The following UMODL1 variants were observed in gnomAD, a reference collection of about 807,000 sequenced individuals.
UMODL1 encodes the protein uromodulin-like 1.
A neutral mutation model predicts 136.3 loss-of-function variants in UMODL1; 128 were observed. The ratio of observed to expected loss-of-function variants is 0.94; its 90% CI spans 0.81 to 1.09. UMODL1 has a LOEUF of 1.09. Among genes scored for constraint, UMODL1 ranks in the 50% least tolerant of loss-of-function variants. UMODL1 has a pLI of 0.00. For missense variants in UMODL1, 1,766 were observed against 1,725.6 expected (o/e 1.02, Z -0.41); for synonymous variants, 721 against 720.0 (o/e 1.00, Z -0.02).
intron 9 of UMODL1, among the ~76,000 whole-genome samples, chr21:42,108,996 A>T (rs1293855859): frequency 1.3e-5 from 1 of 79,596 alleles, no homozygotes; most frequent in East Asian, 4.2e-4. Context: ...GCTCAGCTGG[A>T]CCCCCACCCC....
chr21:42,112,657 C>T (rs2066850977), intron 12 of UMODL1, among the ~76,000 whole-genome samples: 1 of 152,026 alleles, frequency 6.6e-6, no homozygotes, highest in Non-Finnish European at 1.5e-5. Flanking sequence ...TCTGCACCTC[C>T]CCAGCTGTTT....
intron 14 of UMODL1, among the ~76,000 whole-genome samples, chr21:42,118,226 G>A (rs1178472379): frequency 6.6e-6 from 1 of 152,196 alleles, no homozygotes; most frequent in Non-Finnish European, 1.5e-5. Context: ...TTGTGAAGAT[G>A]GTCACGACAA....
At position 42,126,469 on chromosome 21, in the gene UMODL1, C is replaced by T; in HGVS notation, c.3272C>T (p.Ser1091Phe). Residue 1091 changes from serine to phenylalanine, a missense_variant, in exon 18 of 23, where the codon TCC becomes TTC. By Grantham distance (155) the Ser-to-Phe change is radical. Coordinates refer to ENST00000408910, the MANE Select transcript of UMODL1 (RefSeq NM_001004416.3). Reference protein sequence around the residue: ...CAFQNDLLTSSGFTLEWGVYT... With the variant: ...CAFQNDLLTSFGFTLEWGVYT... ...TTCCAGAATGACCTGCTGACATCCT[C>T]CGGCTTCACCCTGGAGTGGGGGTAA... The T allele has an allele frequency of 1.2e-6, 2 of 1,614,264 alleles. No individual in the cohort carries two copies. The highest frequency in any genetic ancestry group is 2.7e-5 in the African/African-American group (2 of 75,076).
chr21:42,074,789 A>G (rs2066268747), intron 1 of UMODL1, among the ~76,000 whole-genome samples: 1 of 152,096 alleles, frequency 6.6e-6, no homozygotes, highest in Non-Finnish European at 1.5e-5. Flanking sequence ...CAGTGACATG[A>G]TCTGGGCTCA....
At chr21:42,087,214 G>A (rs958786166) in intron 4 of UMODL1, among the ~76,000 whole-genome samples, 6 of 152,222 alleles carry the variant, frequency 3.9e-5, no homozygotes, top group South Asian at 2.1e-4. Flanking sequence ...TTGCACAGGG[G>A]TCAGGCACCA....
intron 2 of UMODL1, among the ~76,000 whole-genome samples, chr21:42,080,893 C>T (rs1211783991): frequency 2.6e-5 from 4 of 152,248 alleles, no homozygotes; most frequent in Admixed American, 6.5e-5. Flanking sequence ...TTACCTCATA[C>T]GCACATCAGC....
chr21:42,127,861 G>C, intron 20 of UMODL1, 30 bp downstream of exon 20: 1 of 1,608,762 alleles, frequency 6.2e-7, no homozygotes, highest in Non-Finnish European at 8.5e-7. Context: ...CTAAACGTTT[G>C]GTTGGATTCA....
rs763349108 is a variant in UMODL1, at chr21:42,104,074, G to A, written c.1506G>A (p.Gly502=). 3.7e-6 allele frequency: 6 copies of A among 1,611,730 alleles called. No individual in the cohort carries two copies. The South Asian group carries it at 5.5e-5, about 15-fold the overall frequency. ...CAGTGTTCCAGATTGACCGGCAGGGGACACGCGTGCAAGGTATGGCCCAGC... is the reference window on the plus strand; with the variant it reads ...CAGTGTTCCAGATTGACCGGCAGGGAACACGCGTGCAAGGTATGGCCCAGC... ...ASTVFQIDRQ[G]TRVQDWDECV... is the part of the protein sequence containing the mutation. The change falls in exon 9 of 23, where the codon GGG becomes GGA. Residue 502 remains glycine (G), a synonymous_variant. Transcript: ENST00000408910.
intron 6 of UMODL1, among the ~76,000 whole-genome samples, chr21:42,098,042 GT>G (rs2066579032): frequency 6.6e-6 from 1 of 152,232 alleles, no homozygotes; most frequent in African/African-American, 2.4e-5. Context: ...TCAAGTGCTT[GT>G]CATGAATCAG....
rs1246480547 is a variant in UMODL1 at position 42,104,034 on chromosome 21, C to T, written c.1466C>T (p.Pro489Leu). 3.1e-6 allele frequency: 5 copies of T among 1,613,924 alleles called. No homozygotes were observed. Among genetic ancestry groups the T allele is most frequent in the South Asian group, 2.2e-5 (2 of 91,074 alleles). ...GISTLAPILQPLLASTVFQID... is the reference protein window; with the variant it reads ...GISTLAPILQLLLASTVFQID... ...TCCACGCTGGCCCCCATACTCCAGC[C>T]CCTGTTGGCAAGCACAGTGTTCCAG... Residue 489 changes from proline (P) to leucine (L), a missense_variant, in exon 9 of 23, where the codon CCC becomes CTC. Physicochemically the swap from Pro to Leu is moderately conservative, Grantham distance 98. Coordinates refer to ENST00000408910, the MANE Select transcript of UMODL1 (RefSeq NM_001004416.3).
At position 42,137,531 on chromosome 21, in the gene UMODL1, C is replaced by T. The variant is rs373330695; in HGVS notation, c.3868C>T (p.Leu1290Phe). 24 of 1,614,126 alleles carry T rather than the reference C, an allele frequency of 1.5e-5. No individual in the cohort carries two copies. The highest frequency in any genetic ancestry group is 1.8e-5 in the Non-Finnish European group (21 of 1,180,048). ...CGTGCTGGTGGCGGGAACAGCCACC[C>T]TTCTGATCGTGCGCTACCAGAGAAT... The part of the protein sequence containing the change: ...IFVLVAGTAT[L>F]LIVRYQRMNG... The change falls in exon 22 of 23, where the codon CTT (leucine) becomes TTT (phenylalanine). Residue 1290 changes from leucine (L) to phenylalanine (F), a missense_variant. By Grantham distance (22) the Leu-to-Phe change is conservative. Transcript: ENST00000408910.
chr21:42,072,086 A>C (rs2066239079), intron 1 of UMODL1, among the ~76,000 whole-genome samples: 1 of 152,136 alleles, frequency 6.6e-6, no homozygotes, highest in Non-Finnish European at 1.5e-5. Context: ...CAATACAAAA[A>C]CAAAAAAGAA....
intron 5 of UMODL1, among the ~76,000 whole-genome samples, chr21:42,089,120 G>A (rs1481665260): frequency 6.6e-6 from 1 of 152,158 alleles, no homozygotes; most frequent in Non-Finnish European, 1.5e-5. Flanking sequence ...CTGTCTCAAC[G>A]ACTCAGCCCT....
chr21:42,104,152 T>C, intron 9 of UMODL1, 65 bp downstream of exon 9: 1 of 1,466,944 alleles, frequency 6.8e-7, no homozygotes, highest in South Asian at 1.3e-5. Flanking sequence ...TTGGTGACTT[T>C]ATTTGAGTCA....
At chr21:42,120,888 C>G (rs2066961089) in intron 15 of UMODL1, 199 bp from the exon 16 acceptor site, 2 of 579,656 alleles carry the variant, frequency 3.5e-6, no homozygotes, top group African/African-American at 1.9e-5. Flanking sequence ...AGAACAGCCC[C>G]TGCAGACATA....
At chr21:42,089,156 C>T (rs549767753) in intron 5 of UMODL1, among the ~76,000 whole-genome samples, 1 of 152,252 alleles carries the variant, frequency 6.6e-6, no homozygotes, top group East Asian at 1.9e-4. Context: ...ACAGACAGTC[C>T]GCAAGCAAAC....
chr21:42,140,149 A>C (rs1639978545), intron 22 of UMODL1, among the ~76,000 whole-genome samples: 2 of 152,140 alleles, frequency 1.3e-5, no homozygotes, highest in Non-Finnish European at 2.9e-5. Context: ...TGAGCACAGG[A>C]AAGATGGGCT....
chr21:42,119,103 C>T lies in UMODL1; in HGVS notation c.2476-8C>T, dbSNP rs558848452. On this transcript the variant is annotated splice_polypyrimidine_tract_variant and splice_region_variant and intron_variant, in intron 14 of 22. Coordinates refer to ENST00000408910, the MANE Select transcript of UMODL1 (RefSeq NM_001004416.3). Reference sequence around the variant, plus strand: ...GGGGACCTCCTCACATGGCCTCTTTCCCCGCAGGTGCGGGGCTCCCTGCCA... The same window carrying T: ...GGGGACCTCCTCACATGGCCTCTTTTCCCGCAGGTGCGGGGCTCCCTGCCA... 64 of 1,611,050 alleles carry T rather than the reference C, an allele frequency of 4.0e-5. No individual in the cohort carries two copies. The highest frequency in any genetic ancestry group is 2.3e-4 in the African/African-American group (17 of 74,948).
Position 42,142,587 on chromosome 21 carries a change from C to T in UMODL1, c.*513C>T, listed in dbSNP as rs7280633. ...CGAAAATAGGTCAGTCTTAGAAATA[C>T]ACTGCTAATGTTATTTTTAGTGGAT... On this transcript the variant is annotated 3_prime_UTR_variant, in exon 23 of 23. Transcript: ENST00000408910. 0.34 allele frequency: 51,124 copies of T among 152,222 alleles called. 9,123 individuals carry two copies. The highest frequency in any genetic ancestry group is 0.39 in the Non-Finnish European group (26,677 of 68,016). The allele number at this position is 152,222 out of a possible 1,614,324, so 9.4% of individuals were successfully genotyped here.
Sources: gnomAD v4.1 joint callset for allele counts (sites outside exome capture counted in the v4.1 genomes callset) on GRCh38, gnomAD v4.1.1 for gene constraint, MANE v1.5 for transcripts, NCBI Gene and HGNC (gene_info 2026-07-23, HGNC 2026-07-21) for gene names.